MARCHF4: variants seen among roughly 807,000 people sequenced by gnomAD.
MARCHF4 encodes the protein membrane associated ring-CH-type finger 4.
In MARCHF4, 14 loss-of-function variants were observed where a neutral mutation model predicts 43.9. The observed-to-expected ratio is 0.32, with a 90% CI of 0.21 to 0.50. MARCHF4 has a LOEUF of 0.50. Among genes scored for constraint, MARCHF4 ranks in the 20% least tolerant of loss-of-function variants. The pLI is 0.98. For missense variants in MARCHF4, 468 were observed against 536.7 expected (o/e 0.87, Z 1.27); for synonymous variants, 226 against 213.3 (o/e 1.06, Z -0.52).
chr2:216,372,027 G>GA lies in MARCHF4; in HGVS notation c.-1768dup, dbSNP rs1462347611. On this transcript the variant is annotated 5_prime_UTR_variant, in exon 1 of 4. Transcript: ENST00000273067. Reference sequence around the variant, plus strand: ...GAGCGAAGCAGTGTGGCCGAGGTGGGAGGCAGCCGGCACTTGGCTCCAGCT... The same window carrying GA: ...GAGCGAAGCAGTGTGGCCGAGGTGGGAAGGCAGCCGGCACTTGGCTCCAGCT... The GA allele has an allele frequency of 6.6e-6, 1 of 152,480 alleles. No individual in the cohort carries two copies. Among genetic ancestry groups the GA allele is most frequent in the African/African-American group, 2.4e-5 (1 of 41,450 alleles). 9.4% of individuals were successfully genotyped at this position (152,480 alleles called of 1,614,324 possible). A position where few individuals can be genotyped will look rare whatever the true frequency, so the allele number is the denominator to read the frequency against.
chr2:216,315,128 G>A (rs1691754366), intron 1 of MARCHF4, among the ~76,000 whole-genome samples: 1 of 152,076 alleles, frequency 6.6e-6, no homozygotes, highest in South Asian at 2.1e-4. Context: ...GGGGAAAAAG[G>A]TCAAGCAAAT....
chr2:216,284,987 T>C (rs1338195445), intron 1 of MARCHF4, among the ~76,000 whole-genome samples: 1 of 152,156 alleles, frequency 6.6e-6, no homozygotes, highest in Non-Finnish European at 1.5e-5. Flanking sequence ...CTTGGGCTCA[T>C]CCCTGTTAGC....
chr2:216,276,369 C>T (rs1446882999), intron 3 of MARCHF4, among the ~76,000 whole-genome samples: 1 of 152,152 alleles, frequency 6.6e-6, no homozygotes, highest in Non-Finnish European at 1.5e-5. Flanking sequence ...TCAAATTGTT[C>T]CCTGTTCATA....
intron 1 of MARCHF4, among the ~76,000 whole-genome samples, chr2:216,329,533 A>C (rs1378144033): frequency 6.6e-6 from 1 of 152,040 alleles, no homozygotes; most frequent in Non-Finnish European, 1.5e-5. Context: ...AGAATAGAAG[A>C]ACATATAACT....
At chr2:216,349,859 A>G (rs1692373084) in intron 1 of MARCHF4, among the ~76,000 whole-genome samples, 1 of 152,162 alleles carries the variant, frequency 6.6e-6, no homozygotes, top group South Asian at 2.1e-4. Flanking sequence ...AGTGAGAAGC[A>G]GCAGAGTGAA....
At chr2:216,317,709 C>T (rs1012258811) in intron 1 of MARCHF4, among the ~76,000 whole-genome samples, 5 of 152,204 alleles carry the variant, frequency 3.3e-5, no homozygotes, top group Non-Finnish European at 7.3e-5. Context: ...CCACCATGCC[C>T]AGCCCCTAAT....
intron 1 of MARCHF4, among the ~76,000 whole-genome samples, chr2:216,306,783 C>T (rs566765427): frequency 6.6e-6 from 1 of 152,268 alleles, no homozygotes; most frequent in African/African-American, 2.4e-5. Flanking sequence ...CAATCTCATA[C>T]AGAGACTCTG....
At chr2:216,344,268 A>AAAC (rs1559104244) in intron 1 of MARCHF4, among the ~76,000 whole-genome samples, 5 of 134,836 alleles carry the variant, frequency 3.7e-5, no homozygotes, top group Admixed American at 7.6e-5. Flanking sequence ...AACAAACAAA[A>AAAC]AAACATGTGA....
chr2:216,361,870 T>TGGGATG (rs988627337), intron 1 of MARCHF4, among the ~76,000 whole-genome samples: 130 of 152,250 alleles, frequency 8.5e-4, no homozygotes, highest in African/African-American at 3.0e-3. Flanking sequence ...GACACACTGG[T>TGGGATG]GGGATGGGGT....
intron 1 of MARCHF4, among the ~76,000 whole-genome samples, chr2:216,322,292 C>T (rs559853207): frequency 6.6e-6 from 1 of 152,164 alleles, no homozygotes; most frequent in Non-Finnish European, 1.5e-5. Context: ...TAAAACCAGA[C>T]GATTGGCCCA....
chr2:216,263,145 GC>G (rs1350655338), intron 3 of MARCHF4, among the ~76,000 whole-genome samples: 1 of 152,192 alleles, frequency 6.6e-6, no homozygotes, highest in Non-Finnish European at 1.5e-5. Context: ...GATGCACTTC[GC>G]CTAGGCGCAG....
At chr2:216,281,548 T>G (rs1691128452) in intron 2 of MARCHF4, among the ~76,000 whole-genome samples, 1 of 152,232 alleles carries the variant, frequency 6.6e-6, no homozygotes, top group Non-Finnish European at 1.5e-5. Flanking sequence ...TGGGGCATAG[T>G]AGCCCAGAAG....
chr2:216,343,565 C>T (rs188991943), intron 1 of MARCHF4, among the ~76,000 whole-genome samples: 264 of 152,252 alleles, frequency 1.7e-3, no homozygotes, highest in Middle Eastern at 3.4e-3. Context: ...TCCATAATAG[C>T]GTCAGACACA....
chr2:216,328,825 G>C (rs1017866844), intron 1 of MARCHF4, among the ~76,000 whole-genome samples: 2 of 151,638 alleles, frequency 1.3e-5, no homozygotes, highest in Admixed American at 6.6e-5. Context: ...ATCACCTGAG[G>C]TCAGGAGTTT....
intron 1 of MARCHF4, among the ~76,000 whole-genome samples, chr2:216,302,942 T>C (rs1167527159): frequency 6.7e-6 from 1 of 148,450 alleles, no homozygotes; most frequent in East Asian, 2.0e-4. Flanking sequence ...CATTTTGTAA[T>C]TATAAAGATG....
chr2:216,372,403 G>A lies in MARCHF4; in HGVS notation c.-2143C>T, dbSNP rs1294676253. On this transcript the variant is annotated 5_prime_UTR_variant, in exon 1 of 4. Transcript: ENST00000273067. Reference sequence around the variant, plus strand: ...ACGCTCGTGGGGGCCTGACGCAGACGCCGCGGAGGGATGGAGGAGGGAAAG... The same window carrying A: ...ACGCTCGTGGGGGCCTGACGCAGACACCGCGGAGGGATGGAGGAGGGAAAG... 2.0e-5 allele frequency among the ~76,000 whole-genome samples: 3 copies of A among 152,100 alleles called. No individual in the cohort carries two copies. Among genetic ancestry groups the A allele is most frequent in the African/African-American group, 7.2e-5 (3 of 41,402 alleles).
Position 216,267,728 on chromosome 2 carries a change from TG to T in MARCHF4, c.866-8050del, listed in dbSNP as rs565699993. Among the ~76,000 whole-genome samples, 31 of 152,344 alleles carry T rather than the reference TG, an allele frequency of 2.0e-4. No individual in the cohort carries two copies. In the South Asian group the frequency reaches 5.6e-3, roughly 27 times the overall value. On this transcript the variant is annotated intron_variant, in intron 3 of 3. Transcript: ENST00000273067. ...TGAGCTTCCACCTTATTTATCAAAT[TG>T]GGGCTATTTCTAGTCACAAACCCAC...
chr2:216,271,957 A>ATTTTT (rs57629851), intron 3 of MARCHF4, among the ~76,000 whole-genome samples: 13 of 100,578 alleles, frequency 1.3e-4, no homozygotes, highest in African/African-American at 4.5e-4. Context: ...CACCTGGCTA[A>ATTTTT]TTTTTTTTTT....
intron 1 of MARCHF4, among the ~76,000 whole-genome samples, chr2:216,367,609 C>T (rs1475048853): frequency 6.6e-6 from 1 of 152,206 alleles, no homozygotes; most frequent in African/African-American, 2.4e-5. Flanking sequence ...GCAGGAAGTG[C>T]TTAATTTGAT....
Sources: allele counts gnomAD v4.1 joint callset (sites outside exome capture counted in the v4.1 genomes callset), GRCh38; gene constraint gnomAD v4.1.1; transcripts MANE v1.5; gene names NCBI Gene and HGNC (gene_info 2026-07-23, HGNC 2026-07-21).